The following NUMB variants were observed in gnomAD, a reference collection of about 807,000 sequenced individuals.
NUMB encodes the protein protein numb homolog.
Under a neutral mutation model 59.7 loss-of-function variants are expected in NUMB, and 29 were observed. The observed-to-expected ratio is 0.49, with a 90% confidence interval of 0.36 to 0.66. The LOEUF (loss-of-function observed/expected upper bound fraction) is 0.66. Among genes scored for constraint, NUMB ranks in the 30% least tolerant of loss-of-function variants. The pLI is 0.00. For synonymous variants in NUMB, 288 were observed against 288.2 expected, an observed-to-expected ratio of 1.00 and a Z score of 0.01; for missense variants, 723 against 822.0, an observed-to-expected ratio of 0.88 and a Z score of 1.47.
intron 4 of NUMB, among the ~76,000 whole-genome samples, chr14:73,334,976 A>G (rs762700515): frequency 9.1e-4 from 138 of 151,152 alleles, no homozygotes; most frequent in Non-Finnish European, 1.7e-3. Flanking sequence ...AGGTATTAGC[A>G]TATACTCCAA....
Position 73,287,097 on chromosome 14 carries a change from G to A in NUMB, c.655+13C>T, listed in dbSNP as rs368871988. The A allele has an allele frequency of 4.3e-6, 7 of 1,610,358 alleles. No individual in the cohort carries two copies. The African/African-American group carries it at 9.4e-5, about 22-fold the overall frequency. The stretch of plus-strand genomic sequence containing the variant: ...CTGCATTCCATAAATACACACTGTA[G>A]AACAGATTGTACCTTTCTTGGCATC... On this transcript the variant is annotated intron_variant, in intron 9 of 12. Coordinates refer to ENST00000555238, the MANE Select transcript of NUMB (RefSeq NM_001005743.2).
At chr14:73,415,009 G>A (rs1434182788) in intron 1 of NUMB, among the ~76,000 whole-genome samples, 2 of 152,126 alleles carry the variant, frequency 1.3e-5, no homozygotes, top group Admixed American at 6.6e-5. Context: ...GCGCTACCAC[G>A]CCCAGCTGAT....
At chr14:73,319,858 G>A (rs1278576698) in intron 5 of NUMB, among the ~76,000 whole-genome samples, 1 of 152,184 alleles carries the variant, frequency 6.6e-6, no homozygotes, top group African/African-American at 2.4e-5. Context: ...GAGGCCAGGT[G>A]CAGCAGCTCA....
chr14:73,295,695 G>C (rs188030110), intron 7 of NUMB, among the ~76,000 whole-genome samples: 1 of 151,890 alleles, frequency 6.6e-6, no homozygotes, highest in African/African-American at 2.4e-5. Context: ...CCTTTCAGTG[G>C]CATTTGAATT....
chr14:73,354,822 T>G lies in NUMB; in HGVS notation c.126+804A>C, dbSNP rs1313615151. Among the ~76,000 whole-genome samples the G allele has an allele frequency of 3.0e-4, 3 of 10,050 alleles. No individual in the cohort carries two copies. In the African/African-American group the frequency reaches 3.1e-3, roughly 10 times the overall value. The allele number at this position is 10,050 out of a possible 152,430, so 6.6% of individuals were successfully genotyped here. On this transcript the variant is annotated intron_variant, in intron 4 of 12. Coordinates refer to ENST00000555238, the MANE Select transcript of NUMB (RefSeq NM_001005743.2). ...CAGCCTGTGCTATGGAGACAGACTG[T>G]GCCTCAAAAAAAAAAAGGAATATAT...
intron 4 of NUMB, among the ~76,000 whole-genome samples, chr14:73,340,154 A>C (rs1892553726): frequency 6.6e-6 from 1 of 152,240 alleles, no homozygotes; most frequent in East Asian, 1.9e-4. Context: ...CACTGGCAGG[A>C]TGCTGGGCCC....
intron 4 of NUMB, among the ~76,000 whole-genome samples, chr14:73,354,848 A>C (rs1372904526): frequency 6.7e-6 from 1 of 148,624 alleles, no homozygotes; most frequent in Non-Finnish European, 1.5e-5. Flanking sequence ...AGGAATATAT[A>C]GTAAATAGTA....
chr14:73,350,074 TACATACAC>T (rs1295922703), intron 4 of NUMB, among the ~76,000 whole-genome samples: 31 of 131,144 alleles, frequency 2.4e-4, no homozygotes, highest in Non-Finnish European at 1.6e-5. Flanking sequence ...CATACATACA[TACATACAC>T]ACACACACAC....
intron 6 of NUMB, among the ~76,000 whole-genome samples, chr14:73,307,775 C>T (rs1029409261): frequency 1.4e-5 from 2 of 142,306 alleles, no homozygotes; most frequent in Non-Finnish European, 3.0e-5. Context: ...CTCTGTTGCC[C>T]AGGCTGGAGC....
chr14:73,367,356 G>T lies in NUMB; in HGVS notation c.-100-375C>A, dbSNP rs1210775750. On this transcript the variant is annotated intron_variant, in intron 2 of 12. Transcript: ENST00000555238. ...ATATATATATATATATATAGAGAGA[G>T]AGAGAGAGAGAGAGAGAGACAAATA... Among the ~76,000 whole-genome samples the T allele has an allele frequency of 5.0e-5, 7 of 141,178 alleles. No homozygotes were observed. In the East Asian group the frequency reaches 6.3e-4, roughly 13 times the overall value. 92.6% of individuals were successfully genotyped at this position (141,178 alleles called of 152,430 possible).
intron 2 of NUMB, among the ~76,000 whole-genome samples, chr14:73,372,336 T>TATATATATAC (rs1458864410): frequency 1.1e-5 from 1 of 87,280 alleles, no homozygotes; most frequent in African/African-American, 4.0e-5. Flanking sequence ...TATATATATA[T>TATATATATAC]AACCTTTTAT....
At chr14:73,342,913 TG>T (rs1566751208) in intron 4 of NUMB, among the ~76,000 whole-genome samples, 3 of 152,162 alleles carry the variant, frequency 2.0e-5, no homozygotes, top group Non-Finnish European at 4.4e-5. Context: ...GATGCGATCA[TG>T]GCTTACTGCG....
chr14:73,284,266 A>G lies in NUMB; in HGVS notation c.764T>C (p.Met255Thr), dbSNP rs1355901032. The G allele has an allele frequency of 1.9e-6, 3 of 1,614,062 alleles. No homozygotes were observed. The highest frequency in any genetic ancestry group is 1.7e-6 in the Non-Finnish European group (2 of 1,180,036). The change falls in exon 10 of 13, where the codon ATG becomes ACG. Residue 255 changes from methionine (M) to threonine (T), a missense_variant. Around this residue, in one of 2 missense-constraint regions of NUMB, gnomAD observed 317 missense variants for 436.6 expected, o/e 0.73. Transcript: ENST00000555238. ...GCGTGGGATGGCATGAGGATTGTTC[A>G]TCTCCAGAGAGGTCGTGGCATCAGA... ...PTSDATTSLE[M>T]NNPHAIPRRH...
At chr14:73,451,153 C>CAAAAAAAAAAAAA (rs1212863745) in intron 1 of NUMB, among the ~76,000 whole-genome samples, 4 of 38,552 alleles carry the variant, frequency 1.0e-4, no homozygotes, top group South Asian at 1.1e-3. Flanking sequence ...GACTCTGTCT[C>CAAAAAAAAAAAAA]AAAAAAAAAA....
chr14:73,292,898 AAG>A (rs1473215593), intron 7 of NUMB, 24 bp from the exon 8 acceptor site: 1 of 1,612,978 alleles, frequency 6.2e-7, no homozygotes. Flanking sequence ...CACACAAAGA[AAG>A]AGAAGACTTA....
At chr14:73,346,501 ATC>A (rs1892929301) in intron 4 of NUMB, among the ~76,000 whole-genome samples, 1 of 151,036 alleles carries the variant, frequency 6.6e-6, no homozygotes, top group South Asian at 2.1e-4. Context: ...AAAAAAATTT[ATC>A]TCTGTTATAC....
chr14:73,415,961 A>G (rs1420934565), intron 1 of NUMB, among the ~76,000 whole-genome samples: 1 of 152,220 alleles, frequency 6.6e-6, no homozygotes, highest in Non-Finnish European at 1.5e-5. Flanking sequence ...GATTTCTATA[A>G]ACAATTGGAA....
At chr14:73,421,544 A>G (rs1351034625) in intron 1 of NUMB, among the ~76,000 whole-genome samples, 2 of 152,186 alleles carry the variant, frequency 1.3e-5, no homozygotes, top group African/African-American at 4.8e-5. Context: ...CCTAAAATTC[A>G]TATTATTACG....
chr14:73,447,047 C>T (rs568485526), intron 1 of NUMB, among the ~76,000 whole-genome samples: 250 of 150,988 alleles, frequency 1.7e-3, no homozygotes, highest in African/African-American at 5.7e-3. Flanking sequence ...ATTAGCTGGG[C>T]GTGGTGGCGC....
Sources: gnomAD v4.1 joint callset for allele counts (sites outside exome capture counted in the v4.1 genomes callset) on GRCh38, gnomAD v4.1.1 for gene constraint, gnomAD v4.1.1 regional missense constraint, MANE v1.5 for transcripts, NCBI Gene and HGNC (gene_info 2026-07-23, HGNC 2026-07-21) for gene names.